The following SCHIP1 variants were observed in gnomAD, a reference collection of about 807,000 sequenced individuals.
SCHIP1 encodes schwannomin-interacting protein 1.
In SCHIP1, 8 loss-of-function variants were observed where a neutral mutation model predicts 29.7. The ratio of observed to expected loss-of-function variants is 0.27; its 90% CI spans 0.16 to 0.49. The LOEUF is 0.49. Ranked by LOEUF, SCHIP1 falls within the 20% of genes least tolerant of loss-of-function variation. The pLI is 0.99. For synonymous variants in SCHIP1, 76 were observed against 94.9 expected, an observed-to-expected ratio of 0.80 and a Z score of 1.16; for missense variants, 193 against 294.6, an observed-to-expected ratio of 0.66 and a Z score of 2.52.
the SCHIP1 span, among the ~76,000 whole-genome samples, chr3:159,405,546 C>T: frequency 6.6e-6 from 1 of 152,094 alleles, no homozygotes; most frequent in Non-Finnish European, 1.5e-5. Flanking sequence ...ATTGGTCACA[C>T]AGAGGAAAGC....
chr3:159,806,217 T>A, the SCHIP1 span, among the ~76,000 whole-genome samples: 1 of 152,222 alleles, frequency 6.6e-6, no homozygotes, highest in Non-Finnish European at 1.5e-5. Flanking sequence ...AAGCAGCTGC[T>A]TTTGTGTTGT....
the SCHIP1 span, among the ~76,000 whole-genome samples, chr3:159,482,901 C>T: frequency 6.6e-6 from 1 of 152,078 alleles, no homozygotes; most frequent in Non-Finnish European, 1.5e-5. Context: ...AATGGCCAGG[C>T]AGTGGGAGAA....
the SCHIP1 span, among the ~76,000 whole-genome samples, chr3:159,397,381 G>T: frequency 6.6e-6 from 1 of 152,184 alleles, no homozygotes; most frequent in Non-Finnish European, 1.5e-5. Flanking sequence ...CATTCCTTTG[G>T]AGGAGGAGAG....
the SCHIP1 span, among the ~76,000 whole-genome samples, chr3:159,598,909 TC>T: frequency 8.5e-5 from 13 of 152,302 alleles, no homozygotes; most frequent in Non-Finnish European, 1.5e-4. Flanking sequence ...AATTGTTATA[TC>T]CTTTTCCTGG....
chr3:159,364,443 G>A, the SCHIP1 span, among the ~76,000 whole-genome samples: 1 of 152,250 alleles, frequency 6.6e-6, no homozygotes, highest in East Asian at 1.9e-4. Flanking sequence ...CACAGAGAAA[G>A]AAATCTTTGT....
chr3:159,428,200 C>T, the SCHIP1 span, among the ~76,000 whole-genome samples: 1 of 152,072 alleles, frequency 6.6e-6, no homozygotes, highest in Non-Finnish European at 1.5e-5. Context: ...CAAATGGGAT[C>T]TAATTAAACT....
At chr3:159,537,752 T>A in the SCHIP1 span, among the ~76,000 whole-genome samples, 1 of 152,144 alleles carries the variant, frequency 6.6e-6, no homozygotes, top group East Asian at 1.9e-4. Flanking sequence ...ATGGCTACAT[T>A]TACATTTGTT....
At chr3:159,713,264 G>GAAAGA in the SCHIP1 span, among the ~76,000 whole-genome samples, 1 of 147,356 alleles carries the variant, frequency 6.8e-6, no homozygotes, top group African/African-American at 2.5e-5. Flanking sequence ...AAGAAAGAAA[G>GAAAGA]AAAGAAAGAA....
the SCHIP1 span, among the ~76,000 whole-genome samples, chr3:159,795,263 T>C: frequency 6.6e-6 from 1 of 152,240 alleles, no homozygotes; most frequent in African/African-American, 2.4e-5. Context: ...GCCAGCCTAT[T>C]TCCTAGTAGG....
At chr3:159,598,690 G>T in the SCHIP1 span, among the ~76,000 whole-genome samples, 1 of 152,098 alleles carries the variant, frequency 6.6e-6, no homozygotes, top group African/African-American at 2.4e-5. Flanking sequence ...GATATCAGTG[G>T]ATCTACCTGT....
the SCHIP1 span, among the ~76,000 whole-genome samples, chr3:159,683,556 C>T: frequency 2.0e-5 from 3 of 152,130 alleles, no homozygotes; most frequent in African/African-American, 7.2e-5. Context: ...AGACCTATCC[C>T]TTGATGGTGA....
chr3:159,505,477 TA>T, the SCHIP1 span, among the ~76,000 whole-genome samples: 2 of 152,240 alleles, frequency 1.3e-5, no homozygotes, highest in Non-Finnish European at 2.9e-5. Context: ...TATGTTTTTA[TA>T]TTTTTTTATT....
At chr3:159,765,424 A>C in the SCHIP1 span, 6 of 359,396 alleles carry the variant, frequency 1.7e-5, no homozygotes, top group Admixed American at 9.5e-5. Context: ...GGAATTACTT[A>C]TGGAGACCAG....
the SCHIP1 span, among the ~76,000 whole-genome samples, chr3:159,365,618 T>C: frequency 2.0e-5 from 3 of 152,180 alleles, no homozygotes; most frequent in African/African-American, 7.2e-5. Flanking sequence ...CGCACTACAT[T>C]AGATGGTTGA....
the SCHIP1 span, among the ~76,000 whole-genome samples, chr3:159,592,069 T>C: frequency 1.3e-5 from 2 of 151,506 alleles, no homozygotes; most frequent in African/African-American, 2.4e-5. Flanking sequence ...GCTTGGGGTC[T>C]GGTCAAATCC....
At chr3:159,470,989 A>G in the SCHIP1 span, among the ~76,000 whole-genome samples, 2 of 151,996 alleles carry the variant, frequency 1.3e-5, no homozygotes, top group African/African-American at 2.4e-5. Context: ...GTTGGAGGAG[A>G]GGGGAAAAAA....
At chr3:159,728,941 G>C in the SCHIP1 span, among the ~76,000 whole-genome samples, 1,645 of 152,274 alleles carry the variant, frequency 0.011, 29 homozygotes, top group African/African-American at 0.037. Context: ...CCTGAGGTCA[G>C]GAGTTCAAGA....
At chr3:159,492,949 A>G in the SCHIP1 span, among the ~76,000 whole-genome samples, 1 of 152,262 alleles carries the variant, frequency 6.6e-6, no homozygotes, top group Non-Finnish European at 1.5e-5. Flanking sequence ...CCAATAGTCA[A>G]TATTTTTAAA....
chr3:159,397,888 G>A, the SCHIP1 span, among the ~76,000 whole-genome samples: 2 of 152,164 alleles, frequency 1.3e-5, no homozygotes, highest in African/African-American at 4.8e-5. Flanking sequence ...GTTTACCTAA[G>A]CAAGCCTGGG....
Sources: allele counts gnomAD v4.1 joint callset (sites outside exome capture counted in the v4.1 genomes callset), GRCh38; gene constraint gnomAD v4.1.1; transcripts MANE v1.5; gene names NCBI Gene and HGNC (gene_info 2026-07-23, HGNC 2026-07-21).